Variants in SPDYE10 observed in about 807,000 individuals in gnomAD.
SPDYE10 encodes speedy/RINGO cell cycle regulator family member E10.
chr7:73,134,555 A>AAGAAAGAAAGAAAGAAAGAAAG, the SPDYE10 span, among the ~76,000 whole-genome samples: 1 of 152,092 alleles, frequency 6.6e-6, no homozygotes, highest in African/African-American at 2.4e-5. Context: ...GAAAGAAAGA[A>AAGAAAGAAAGAAAGAAAGAAAG]AGAAAGAAAG....
At chr7:73,104,465 A>G in the SPDYE10 span, 1 of 99,014 alleles carries the variant, frequency 1.0e-5, no homozygotes, top group African/African-American at 3.5e-5. Flanking sequence ...ATTCAAAAAT[A>G]CCAGTATTTC....
chr7:73,123,474 G>A, the SPDYE10 span, among the ~76,000 whole-genome samples: 5 of 152,198 alleles, frequency 3.3e-5, no homozygotes, highest in Admixed American at 2.6e-4. Flanking sequence ...TCATTCTTTT[G>A]GTGTTTTTTT....
chr7:73,120,742 C>T, the SPDYE10 span, among the ~76,000 whole-genome samples: 3 of 147,194 alleles, frequency 2.0e-5, no homozygotes, highest in East Asian at 2.0e-4. Context: ...GAGCCAAGAT[C>T]GTGTCTCTGC....
At chr7:73,154,816 A>G in the SPDYE10 span, 8 of 210,580 alleles carry the variant, frequency 3.8e-5, no homozygotes, top group South Asian at 1.8e-4. Flanking sequence ...AACAGCAGCA[A>G]CAGCAGCAGC....
chr7:73,151,595 G>A, the SPDYE10 span, among the ~76,000 whole-genome samples: 1,137 of 18,694 alleles, frequency 0.061, no homozygotes, highest in East Asian at 0.4. Flanking sequence ...CTGCAGCTCC[G>A]AACTCCTGGG....
the SPDYE10 span, among the ~76,000 whole-genome samples, chr7:73,142,751 A>G: frequency 2.6e-5 from 4 of 152,086 alleles, no homozygotes; most frequent in Non-Finnish European, 5.9e-5. Flanking sequence ...AGCTTAGCCA[A>G]CATGGTGAAC....
the SPDYE10 span, among the ~76,000 whole-genome samples, chr7:73,126,558 T>C: frequency 1.1e-5 from 1 of 92,044 alleles, no homozygotes; most frequent in African/African-American, 4.7e-5. Flanking sequence ...AACTAAAGAG[T>C]CATACAAGTC....
the SPDYE10 span, among the ~76,000 whole-genome samples, chr7:73,124,558 TC>T: frequency 2.6e-5 from 4 of 151,412 alleles, no homozygotes; most frequent in African/African-American, 9.7e-5. Flanking sequence ...GACTTAACAC[TC>T]CCAGTGGGTC....
chr7:73,127,369 C>T, the SPDYE10 span, among the ~76,000 whole-genome samples: 18 of 109,128 alleles, frequency 1.6e-4, no homozygotes, highest in Middle Eastern at 5.2e-3. Context: ...TGACCAACAT[C>T]ATGAAACCCT....
At chr7:73,115,171 C>T in the SPDYE10 span, among the ~76,000 whole-genome samples, 13 of 152,068 alleles carry the variant, frequency 8.5e-5, no homozygotes, top group Non-Finnish European at 1.8e-4. Flanking sequence ...GCTGGGATTA[C>T]AGGTGTGAGC....
At chr7:73,134,523 A>AACAG in the SPDYE10 span, among the ~76,000 whole-genome samples, 1 of 5,068 alleles carries the variant, frequency 2.0e-4, no homozygotes, top group East Asian at 0.042. Flanking sequence ...AGTATAATAA[A>AACAG]AAAGAAAGAA....
At chr7:73,130,231 A>G in the SPDYE10 span, among the ~76,000 whole-genome samples, 17 of 150,632 alleles carry the variant, frequency 1.1e-4, no homozygotes, top group South Asian at 3.6e-3. Flanking sequence ...AGGTGGGCAG[A>G]TTGCTTGAGC....
At chr7:73,113,773 T>C in the SPDYE10 span, among the ~76,000 whole-genome samples, 1 of 151,842 alleles carries the variant, frequency 6.6e-6, no homozygotes, top group East Asian at 1.9e-4. Flanking sequence ...CCATGGCTCA[T>C]GCCTGTAATC....
chr7:73,142,992 A>G, the SPDYE10 span, among the ~76,000 whole-genome samples: 3 of 130,304 alleles, frequency 2.3e-5, no homozygotes, highest in East Asian at 4.2e-4. Context: ...GGAAGGAAGG[A>G]AGGAAGGAAG....
the SPDYE10 span, among the ~76,000 whole-genome samples, chr7:73,145,085 C>CTTCT: frequency 1.9e-4 from 26 of 137,364 alleles, no homozygotes; most frequent in East Asian, 8.3e-4. Context: ...CTTTTTCTTT[C>CTTCT]TTCTTTCTTT....
At chr7:73,150,907 A>AAAAATAT in the SPDYE10 span, among the ~76,000 whole-genome samples, 2 of 11,578 alleles carry the variant, frequency 1.7e-4, no homozygotes, top group African/African-American at 6.9e-4. Flanking sequence ...AAAAAAAAAA[A>AAAAATAT]ATATATATAT....
the SPDYE10 span, among the ~76,000 whole-genome samples, chr7:73,137,639 A>AAAGAAAGAAAGG: frequency 8.8e-6 from 1 of 114,274 alleles, no homozygotes; most frequent in Non-Finnish European, 1.9e-5. Context: ...AGAAAGAAAG[A>AAAGAAAGAAAGG]AAGGAGAAAG....
At chr7:73,114,583 C>G in the SPDYE10 span, among the ~76,000 whole-genome samples, 1 of 139,806 alleles carries the variant, frequency 7.2e-6, no homozygotes, top group African/African-American at 2.6e-5. Context: ...GTCACCCAGG[C>G]TAGAGTACAG....
At chr7:73,113,823 C>T in the SPDYE10 span, among the ~76,000 whole-genome samples, 1 of 151,934 alleles carries the variant, frequency 6.6e-6, no homozygotes, top group Non-Finnish European at 1.5e-5. Flanking sequence ...ATCACGAGAT[C>T]AGGAGATCGA....
Sources: gnomAD v4.1 joint callset for allele counts (sites outside exome capture counted in the v4.1 genomes callset) on GRCh38, gnomAD v4.1.1 for gene constraint, MANE v1.5 for transcripts, NCBI Gene and HGNC (gene_info 2026-07-23, HGNC 2026-07-21) for gene names.